Variants in NADSYN1 observed in about 807,000 individuals in gnomAD.
NADSYN1 encodes NAD synthetase 1, also known as glutamine-dependent NAD(+) synthetase.
NADSYN1 carries 80 observed loss-of-function variants against 99.3 expected under a neutral mutation model. That is an observed-to-expected ratio of 0.81 (90% confidence interval 0.67 to 0.97). NADSYN1 has a LOEUF of 0.97. Among genes scored for constraint, NADSYN1 ranks in the 50% least tolerant of loss-of-function variants. The pLI, the probability that NADSYN1 is intolerant of heterozygous loss-of-function variation, is 0.00. For synonymous variants in NADSYN1, 385 were observed against 372.1 expected, an observed-to-expected ratio of 1.03 and a Z score of -0.40; for missense variants, 859 against 948.5, an observed-to-expected ratio of 0.91 and a Z score of 1.24.
At chr11:71,477,172 T>A (rs1949673356) in intron 9 of NADSYN1, 9 of 1,162,562 alleles carry the variant, frequency 7.7e-6, no homozygotes, top group Non-Finnish European at 9.7e-6. Context: ...GTCTTCCTAA[T>A]CCCCTGGGCT....
In NADSYN1 at chr11:71,472,977, G is replaced by C. The variant is rs190870438; in HGVS notation, c.460-301G>C. Among the ~76,000 whole-genome samples the C allele has an allele frequency of 2.0e-3, 300 of 152,328 alleles. 1 individual carries two copies. Among genetic ancestry groups the C allele is most frequent in the African/African-American group, 6.9e-3 (286 of 41,572 alleles). The stretch of plus-strand genomic sequence containing the variant: ...CTGCTTCAGTGTGATCACAGGACAG[G>C]GTCGCTTCAGAAGCTGCTGGCCCCA... On this transcript the variant is annotated intron_variant, in intron 6 of 20. Coordinates refer to ENST00000319023, the MANE Select transcript of NADSYN1 (RefSeq NM_018161.5).
rs186800097 is a variant in NADSYN1, at chr11:71,479,135, A to T, written c.873+666A>T. 18 of 152,904 alleles carry T rather than the reference A, an allele frequency of 1.2e-4. 1 individual carries two copies. Among genetic ancestry groups the T allele is most frequent in the African/African-American group, 4.3e-4 (18 of 41,558 alleles). The allele number at this position is 152,904 out of a possible 1,614,324, so 9.5% of individuals were successfully genotyped here. ...CATTCCATCGCCCAGGCTTGAGTGC[A>T]GTGGTACCATCACAGCTCACCGCAG... On this transcript the variant is annotated intron_variant, in intron 10 of 20. Coordinates refer to ENST00000319023, the MANE Select transcript of NADSYN1 (RefSeq NM_018161.5).
At chr11:71,460,829 G>A (rs1016488565) in intron 3 of NADSYN1, 1 of 152,236 alleles carries the variant, frequency 6.6e-6, no homozygotes, top group African/African-American at 2.4e-5. Flanking sequence ...AAGGAAGAGG[G>A]TGCTGAGTTG....
In NADSYN1 at chr11:71,474,430, T is replaced by C. The variant is rs1949650407; in HGVS notation, c.702T>C (p.Gly234=). 4.3e-6 allele frequency: 7 copies of C among 1,614,164 alleles called. No homozygotes were observed. The highest frequency in any genetic ancestry group is 5.9e-6 in the Non-Finnish European group (7 of 1,180,006). Residue 234 remains glycine (G), a synonymous_variant, in exon 9 of 21, where the codon GGT becomes GGC. Coordinates refer to ENST00000319023, the MANE Select transcript of NADSYN1 (RefSeq NM_018161.5). ...GGIYLLANQK[G]CDGDRLYYDG... is the part of the protein sequence containing the mutation. Reference sequence around the variant, plus strand: ...TTTACTTGCTGGCCAACCAGAAGGGTTGTGACGGGGACCGCCTGTACTACG... The same window carrying C: ...TTTACTTGCTGGCCAACCAGAAGGGCTGTGACGGGGACCGCCTGTACTACG...
Position 71,482,932 on chromosome 11 carries a change from A to G in NADSYN1, c.1234A>G (p.Ile412Val). 6 of 1,612,968 alleles carry G rather than the reference A, an allele frequency of 3.7e-6. No homozygotes were observed. The highest frequency in any genetic ancestry group is 5.1e-6 in the Non-Finnish European group (6 of 1,179,568). Residue 412 changes from isoleucine to valine, a missense_variant, in exon 14 of 21, where the codon ATA becomes GTA. By Grantham distance (29) the Ile-to-Val change is conservative. Coordinates refer to ENST00000319023, the MANE Select transcript of NADSYN1 (RefSeq NM_018161.5). ...PQDPRDLCGR[I>V]LTTCYMASKN... ...GGATCCCCGAGACCTCTGTGGACGC[A>G]TACTGACCACCTGCTACATGGCCAG... is the stretch of plus-strand genomic sequence containing the variant.
chr11:71,462,925 T>G (rs1158521599), intron 3 of NADSYN1, among the ~76,000 whole-genome samples: 1 of 152,080 alleles, frequency 6.6e-6, no homozygotes, highest in Non-Finnish European at 1.5e-5. Context: ...TCCCCTTATC[T>G]GCAGGGGGAG....
chr11:71,456,957 G>A (rs1255011770), intron 2 of NADSYN1, among the ~76,000 whole-genome samples: 1 of 152,202 alleles, frequency 6.6e-6, no homozygotes, highest in African/African-American at 2.4e-5. Context: ...CTGACTCATG[G>A]ACCAGAGACC....
intron 6 of NADSYN1, 85 bp from the exon 7 acceptor site, chr11:71,473,193 G>A (rs1949639666): frequency 1.6e-6 from 2 of 1,278,536 alleles, no homozygotes; most frequent in African/African-American, 1.5e-5. Flanking sequence ...TCTTGTGGCT[G>A]CAGGATGTCC....
intron 18 of NADSYN1, 140 bp from the exon 19 acceptor site, chr11:71,497,343 G>T: frequency 2.0e-6 from 2 of 993,534 alleles, no homozygotes; most frequent in Non-Finnish European, 3.0e-6. Context: ...TAGCAATGGG[G>T]AGTAAAGCCC....
intron 2 of NADSYN1, 57 bp from the exon 3 acceptor site, chr11:71,458,371 G>T: frequency 7.3e-7 from 1 of 1,368,112 alleles, no homozygotes; most frequent in South Asian, 1.2e-5. Flanking sequence ...CACAGGCCCT[G>T]CCCCTCCCCG....
intron 10 of NADSYN1, among the ~76,000 whole-genome samples, chr11:71,480,467 C>A (rs1428644809): frequency 6.6e-6 from 1 of 152,206 alleles, no homozygotes; most frequent in African/African-American, 2.4e-5. Flanking sequence ...AGCCACCGTG[C>A]CTGGCTCTGT....
At chr11:71,499,005 C>T (rs1949839906) in intron 20 of NADSYN1, 1 of 154,826 alleles carries the variant, frequency 6.5e-6, no homozygotes, top group Non-Finnish European at 1.4e-5. Flanking sequence ...ACAAGATCAC[C>T]TTTTCAAGAT....
chr11:71,487,142 T>C (rs77980516), intron 16 of NADSYN1, among the ~76,000 whole-genome samples: 12,628 of 152,256 alleles, frequency 0.083, 624 homozygotes, highest in African/African-American at 0.14. Flanking sequence ...TGATTTTTTA[T>C]TTTTAAGTCC....
chr11:71,479,990 A>G (rs1949694829), intron 10 of NADSYN1: 1 of 152,214 alleles, frequency 6.6e-6, no homozygotes, highest in Non-Finnish European at 1.5e-5. Flanking sequence ...TCACTCTTCC[A>G]CTGATGGGCA....
chr11:71,474,092 C>G (rs1949647836), intron 8 of NADSYN1, among the ~76,000 whole-genome samples: 1 of 152,266 alleles, frequency 6.6e-6, no homozygotes, highest in Non-Finnish European at 1.5e-5. Flanking sequence ...TTGGCTTCAT[C>G]ATGCAGAGCT....
At chr11:71,454,992 T>C in intron 1 of NADSYN1, 118 bp from the exon 2 acceptor site, 1 of 680,228 alleles carries the variant, frequency 1.5e-6, no homozygotes, top group Non-Finnish European at 2.5e-6. Flanking sequence ...GCACAGAGCA[T>C]TTTTGTTTGT....
intron 10 of NADSYN1, chr11:71,479,900 C>T (rs984702688): frequency 1.3e-5 from 2 of 152,234 alleles, no homozygotes; most frequent in Non-Finnish European, 2.9e-5. Flanking sequence ...GTGTAGAACC[C>T]ACAGACACAG....
intron 1 of NADSYN1, among the ~76,000 whole-genome samples, chr11:71,454,045 G>A (rs985444863): frequency 2.0e-5 from 3 of 152,210 alleles, no homozygotes; most frequent in African/African-American, 7.2e-5. Flanking sequence ...CGTGGAGGAT[G>A]AAAAGTTAAA....
At chr11:71,498,247 G>A in intron 19 of NADSYN1, 105 bp from the exon 20 acceptor site, 1 of 1,318,102 alleles carries the variant, frequency 7.6e-7, no homozygotes, top group Non-Finnish European at 1.1e-6. Flanking sequence ...TCCTGTGCGG[G>A]GAGTAACCCA....
Sources: gnomAD v4.1 joint callset for allele counts (sites outside exome capture counted in the v4.1 genomes callset) on GRCh38, gnomAD v4.1.1 for gene constraint, MANE v1.5 for transcripts, NCBI Gene and HGNC (gene_info 2026-07-23, HGNC 2026-07-21) for gene names.